The following SLC39A11 variants were observed in gnomAD, a reference collection of about 807,000 sequenced individuals.
The protein encoded by SLC39A11 is solute carrier family 39 member 11.
Under a neutral mutation model 36.1 loss-of-function variants are expected in SLC39A11, and 33 were observed. The ratio of observed to expected loss-of-function variants is 0.91; its 90% confidence interval spans 0.69 to 1.22. The LOEUF (loss-of-function observed/expected upper bound fraction) is 1.22. Ranked by LOEUF, SLC39A11 falls within the 50% of genes most tolerant of loss-of-function variation. The pLI is 0.00. For synonymous variants in SLC39A11, 166 were observed against 170.3 expected, an observed-to-expected ratio of 0.97 and a Z score of 0.20; for missense variants, 432 against 430.3, an observed-to-expected ratio of 1.00 and a Z score of -0.03.
chr17:72,774,511 G>A (rs1006998382), intron 6 of SLC39A11, among the ~76,000 whole-genome samples: 1 of 152,126 alleles, frequency 6.6e-6, no homozygotes, highest in Non-Finnish European at 1.5e-5. Context: ...AACTGGCGAA[G>A]GCTTCACCTC....
rs2086430331 is a variant in SLC39A11, at chr17:72,959,100, T to C, written c.307-11225A>G. 2.0e-5 allele frequency among the ~76,000 whole-genome samples: 3 copies of C among 151,562 alleles called. No homozygotes were observed. The South Asian group carries it at 6.2e-4, about 31-fold the overall frequency. Reference sequence around the variant, plus strand: ...AAACTAGTACAACTACTATGGAAAATAGTGTGGGGATTCCTTAAAGAATTA... The same window carrying C: ...AAACTAGTACAACTACTATGGAAAACAGTGTGGGGATTCCTTAAAGAATTA... On this transcript the variant is annotated intron_variant, in intron 4 of 9. Coordinates refer to ENST00000255559, the MANE Select transcript of SLC39A11 (RefSeq NM_139177.4).
chr17:72,735,041 A>G (rs2074367615), intron 7 of SLC39A11, among the ~76,000 whole-genome samples: 1 of 152,154 alleles, frequency 6.6e-6, no homozygotes, highest in Admixed American at 6.6e-5. Flanking sequence ...GTTTTGGGTG[A>G]CATTTCTTAC....
At chr17:72,783,866 C>A (rs2076407159) in intron 6 of SLC39A11, among the ~76,000 whole-genome samples, 1 of 152,110 alleles carries the variant, frequency 6.6e-6, no homozygotes, top group East Asian at 1.9e-4. Context: ...GGTCTCCATG[C>A]CCCCTAGCAC....
intron 7 of SLC39A11, among the ~76,000 whole-genome samples, chr17:72,685,581 T>A (rs2071709846): frequency 6.6e-6 from 1 of 152,252 alleles, no homozygotes; most frequent in South Asian, 2.1e-4. Flanking sequence ...AAGGTCAGTT[T>A]TCATCTGACC....
At chr17:73,081,163 C>T (rs1456682433) in intron 3 of SLC39A11, among the ~76,000 whole-genome samples, 2 of 152,000 alleles carry the variant, frequency 1.3e-5, no homozygotes, top group African/African-American at 2.4e-5. Context: ...GGCCTAAGGA[C>T]ATGAATGGAC....
intron 5 of SLC39A11, among the ~76,000 whole-genome samples, chr17:72,897,183 A>G (rs2082079137): frequency 6.6e-6 from 1 of 152,156 alleles, no homozygotes; most frequent in African/African-American, 2.4e-5. Flanking sequence ...GTAGTAATTC[A>G]TGGCAGAGAT....
At chr17:73,076,742 G>A (rs2060332407) in intron 3 of SLC39A11, among the ~76,000 whole-genome samples, 1 of 151,988 alleles carries the variant, frequency 6.6e-6, no homozygotes, top group South Asian at 2.1e-4. Flanking sequence ...TACAGACTCA[G>A]GATTGACAGT....
intron 7 of SLC39A11, among the ~76,000 whole-genome samples, chr17:72,698,178 A>G (rs72843235): frequency 0.014 from 2,104 of 152,258 alleles, 40 homozygotes; most frequent in Non-Finnish European, 0.017. Flanking sequence ...ACAGGCTGAA[A>G]TTGGGGGACT....
intron 7 of SLC39A11, among the ~76,000 whole-genome samples, chr17:72,670,573 A>G (rs2070982281): frequency 6.6e-6 from 1 of 152,176 alleles, no homozygotes. Context: ...TAAGAAAACT[A>G]TTCAATTATT....
chr17:72,822,661 AAG>A (rs1310017829), intron 6 of SLC39A11, among the ~76,000 whole-genome samples: 5 of 151,232 alleles, frequency 3.3e-5, no homozygotes, highest in African/African-American at 1.2e-4. Flanking sequence ...GAAACAGGGA[AAG>A]AGGACAGGAG....
intron 6 of SLC39A11, among the ~76,000 whole-genome samples, chr17:72,780,545 T>G (rs2076280980): frequency 1.4e-5 from 2 of 144,700 alleles, no homozygotes; most frequent in Non-Finnish European, 3.0e-5. Flanking sequence ...GGCACAACTG[T>G]GTGTCTGCTT....
At chr17:72,908,987 G>C (rs1010624713) in intron 5 of SLC39A11, among the ~76,000 whole-genome samples, 2 of 152,150 alleles carry the variant, frequency 1.3e-5, no homozygotes, top group Admixed American at 1.3e-4. Context: ...CATTCAAACG[G>C]AACCCCAAAG....
intron 6 of SLC39A11, among the ~76,000 whole-genome samples, chr17:72,803,721 AC>A (rs975260021): frequency 1.3e-5 from 2 of 151,602 alleles, no homozygotes; most frequent in African/African-American, 4.9e-5. Context: ...CACAGAGCAG[AC>A]CCCCTTGATC....
At chr17:72,841,141 G>C (rs1185697247) in intron 6 of SLC39A11, among the ~76,000 whole-genome samples, 1 of 152,180 alleles carries the variant, frequency 6.6e-6, no homozygotes, top group Non-Finnish European at 1.5e-5. Flanking sequence ...CAATGCACCA[G>C]TTCTTCTAGG....
At chr17:73,054,498 G>A (rs780843521) in intron 3 of SLC39A11, among the ~76,000 whole-genome samples, 13 of 152,122 alleles carry the variant, frequency 8.5e-5, no homozygotes, top group East Asian at 1.9e-4. Flanking sequence ...GAAAGAGACC[G>A]CCTCTGCCCT....
chr17:73,000,897 G>A (rs1284870166), intron 4 of SLC39A11, among the ~76,000 whole-genome samples: 1 of 152,192 alleles, frequency 6.6e-6, no homozygotes, highest in Admixed American at 6.5e-5. Context: ...GCTTGAAAAG[G>A]GACACGTTCC....
At chr17:73,038,935 A>G (rs2059018808) in intron 3 of SLC39A11, among the ~76,000 whole-genome samples, 2 of 152,124 alleles carry the variant, frequency 1.3e-5, no homozygotes, top group Admixed American at 1.3e-4. Context: ...CTGTGACAAC[A>G]CCAAAACGCC....
rs185716504 is a variant in SLC39A11 at position 72,961,597 on chromosome 17, A to G, written c.307-13722T>C. Among the ~76,000 whole-genome samples, 704 of 152,238 alleles carry G rather than the reference A, an allele frequency of 4.6e-3. 5 individuals are homozygous for G. Among genetic ancestry groups the G allele is most frequent in the African/African-American group, 0.016 (653 of 41,518 alleles). On this transcript the variant is annotated intron_variant, in intron 4 of 9. Coordinates refer to ENST00000255559, the MANE Select transcript of SLC39A11 (RefSeq NM_139177.4). Reference sequence around the variant, plus strand: ...GTTCATGTCCTTTGCAGGGACATGGATGAAGCTGGAAACCATCACTCTCAG... The same window carrying G: ...GTTCATGTCCTTTGCAGGGACATGGGTGAAGCTGGAAACCATCACTCTCAG...
intron 1 of SLC39A11, among the ~76,000 whole-genome samples, chr17:73,091,164 A>T (rs2060910857): frequency 6.6e-6 from 1 of 152,192 alleles, no homozygotes; most frequent in East Asian, 1.9e-4. Context: ...GCAGTGGCTC[A>T]TGCCTGTAAT....
Sources: gnomAD v4.1 joint callset for allele counts (sites outside exome capture counted in the v4.1 genomes callset) on GRCh38, gnomAD v4.1.1 for gene constraint, MANE v1.5 for transcripts, NCBI Gene and HGNC (gene_info 2026-07-23, HGNC 2026-07-21) for gene names.